Variants in PRKD1 observed in about 807,000 individuals in gnomAD.
PRKD1 encodes the protein protein kinase D1, also known as serine/threonine-protein kinase D1.
A neutral mutation model predicts 95.9 loss-of-function variants in PRKD1; 63 were observed. The observed-to-expected ratio is 0.66, with a 90% CI of 0.54 to 0.81. The LOEUF (loss-of-function observed/expected upper bound fraction) is 0.81. Among genes scored for constraint, PRKD1 ranks in the 30% least tolerant of loss-of-function variants. The probability of loss-of-function intolerance (pLI) is 0.00; values close to 1 mark genes in which losing one functional copy is unlikely to be tolerated. For synonymous variants in PRKD1, 425 were observed against 423.1 expected (o/e 1.00, Z -0.05); for missense variants, 1,048 against 1,165.3 (o/e 0.90, Z 1.47).
At chr14:29,697,005 A>G (rs1419503497) in intron 2 of PRKD1, among the ~76,000 whole-genome samples, 1 of 152,028 alleles carries the variant, frequency 6.6e-6, no homozygotes, top group East Asian at 1.9e-4. Context: ...GATTTTCAAG[A>G]AAACCCTGGA....
intron 1 of PRKD1, among the ~76,000 whole-genome samples, chr14:29,891,770 C>T (rs761375723): frequency 1.3e-5 from 2 of 151,740 alleles, no homozygotes; most frequent in Admixed American, 6.6e-5. Flanking sequence ...AGAAAATATA[C>T]GCTGCTTTAA....
intron 1 of PRKD1, among the ~76,000 whole-genome samples, chr14:29,758,683 T>C (rs1400314390): frequency 6.6e-6 from 1 of 152,232 alleles, no homozygotes; most frequent in Non-Finnish European, 1.5e-5. Flanking sequence ...CTATACTTCA[T>C]TTTTCAACCA....
chr14:29,812,033 AATACACATACAC>A (rs1183339942), intron 1 of PRKD1: 12 of 152,268 alleles, frequency 7.9e-5, no homozygotes, highest in South Asian at 2.1e-4. Context: ...CATATAACTA[AATACACATACAC>A]ATACACACAC....
intron 1 of PRKD1, among the ~76,000 whole-genome samples, chr14:29,824,318 C>T (rs4386036): frequency 0.74 from 112,117 of 152,080 alleles, 41,417 homozygotes; most frequent in Middle Eastern, 0.77. Context: ...GTATTCATCA[C>T]TTTCCATTTA....
intron 1 of PRKD1, among the ~76,000 whole-genome samples, chr14:29,764,912 T>A (rs1254540298): frequency 1.3e-5 from 2 of 152,316 alleles, no homozygotes; most frequent in East Asian, 3.9e-4. Context: ...TGACAAAGAT[T>A]AGGGGATCTA....
At chr14:29,686,184 A>G (rs990595995) in intron 2 of PRKD1, among the ~76,000 whole-genome samples, 9 of 152,064 alleles carry the variant, frequency 5.9e-5, no homozygotes, top group Non-Finnish European at 1.3e-4. Flanking sequence ...TTTTAATTTG[A>G]ATCATTTTGG....
At chr14:29,886,578 A>G (rs76262920) in intron 1 of PRKD1, among the ~76,000 whole-genome samples, 7,789 of 152,278 alleles carry the variant, frequency 0.051, 688 homozygotes, top group African/African-American at 0.17. Context: ...TTCAACAATC[A>G]TATTTTGGAG....
At chr14:29,630,195 A>G (rs1464678552) in intron 10 of PRKD1, among the ~76,000 whole-genome samples, 1 of 151,910 alleles carries the variant, frequency 6.6e-6, no homozygotes, top group Non-Finnish European at 1.5e-5. Context: ...GCAGGAATGC[A>G]GTGGCTTGAT....
intron 1 of PRKD1, among the ~76,000 whole-genome samples, chr14:29,862,111 A>G (rs553006538): frequency 8.7e-4 from 133 of 152,218 alleles, no homozygotes; most frequent in African/African-American, 3.1e-3. Flanking sequence ...AGATTCCACA[A>G]ATAACTGAGG....
At chr14:29,578,201 G>T (rs1343903290) in intron 17 of PRKD1, 74 bp downstream of exon 17, 5 of 1,180,768 alleles carry the variant, frequency 4.2e-6, no homozygotes, top group South Asian at 3.0e-5. Flanking sequence ...TATTGCAAAA[G>T]ATTTCTAAAT....
At chr14:29,580,732 G>A (rs1323643062) in intron 16 of PRKD1, among the ~76,000 whole-genome samples, 2 of 152,054 alleles carry the variant, frequency 1.3e-5, no homozygotes, top group South Asian at 2.1e-4. Flanking sequence ...ACACAGTTTA[G>A]AGGCTTTTTT....
At chr14:29,658,096 T>C (rs560583973) in intron 4 of PRKD1, among the ~76,000 whole-genome samples, 2 of 152,280 alleles carry the variant, frequency 1.3e-5, no homozygotes, top group South Asian at 2.1e-4. Flanking sequence ...TTTCTCAATT[T>C]CCAAAGTAAA....
At chr14:29,915,385 A>C (rs1894856122) in intron 1 of PRKD1, among the ~76,000 whole-genome samples, 1 of 152,252 alleles carries the variant, frequency 6.6e-6, no homozygotes, top group Admixed American at 6.5e-5. Flanking sequence ...TATTTCAAAA[A>C]AAATTTACAA....
Position 29,630,952 on chromosome 14 carries a change from T to C in PRKD1, c.1462A>G (p.Asn488Asp). ...GTAGTGATTTCGAAACAATGAGGAT[T>C]GGCCCCATTAGGAATTAAAGCTGAA... ...KTSALIPNGA[N>D]PHCFEITTAN... The change falls in exon 10 of 18, where the codon AAT (asparagine) becomes GAT (aspartate). Residue 488 changes from asparagine (N) to aspartate (D), a missense_variant. Coordinates refer to ENST00000331968, the MANE Select transcript of PRKD1 (RefSeq NM_002742.3). 6.2e-7 allele frequency: 1 copy of C among 1,614,058 alleles called. No individual in the cohort carries two copies. Among genetic ancestry groups the C allele is most frequent in the Non-Finnish European group, 8.5e-7 (1 of 1,179,924 alleles).
intron 10 of PRKD1, among the ~76,000 whole-genome samples, chr14:29,630,161 C>G (rs1400352090): frequency 1.3e-5 from 2 of 151,910 alleles, no homozygotes; most frequent in Non-Finnish European, 2.9e-5. Flanking sequence ...CCTTCTCCCC[C>G]TCCTCCTCCT....
chr14:29,720,117 G>A (rs887512023), intron 2 of PRKD1, among the ~76,000 whole-genome samples: 1 of 152,188 alleles, frequency 6.6e-6, no homozygotes, highest in African/African-American at 2.4e-5. Context: ...AGAGTGTGAG[G>A]AGAAGAAGCA....
intron 13 of PRKD1, among the ~76,000 whole-genome samples, chr14:29,606,046 T>C (rs903532718): frequency 1.7e-4 from 26 of 152,268 alleles, no homozygotes; most frequent in South Asian, 1.0e-3. Flanking sequence ...AGATTCTCAC[T>C]CTCTTGCCCA....
At chr14:29,586,148 T>G (rs1396521731) in intron 16 of PRKD1, among the ~76,000 whole-genome samples, 1 of 152,178 alleles carries the variant, frequency 6.6e-6, no homozygotes, top group Admixed American at 6.5e-5. Flanking sequence ...GGTTAAAAAC[T>G]GGCTTAATAT....
intron 4 of PRKD1, among the ~76,000 whole-genome samples, chr14:29,661,193 G>A (rs1231958247): frequency 6.6e-6 from 1 of 152,060 alleles, no homozygotes; most frequent in Non-Finnish European, 1.5e-5. Flanking sequence ...GTCAAAATAG[G>A]CAATCATTTA....
Sources: gnomAD v4.1 joint callset for allele counts (sites outside exome capture counted in the v4.1 genomes callset) on GRCh38, gnomAD v4.1.1 for gene constraint, MANE v1.5 for transcripts, NCBI Gene and HGNC (gene_info 2026-07-23, HGNC 2026-07-21) for gene names.